The following LRFN2 variants were observed in gnomAD, a reference collection of about 807,000 sequenced individuals.
The protein encoded by LRFN2 is leucine-rich repeat and fibronectin type-III domain-containing protein 2.
A neutral mutation model predicts 37.3 loss-of-function variants in LRFN2; 18 were observed. That is an observed-to-expected ratio of 0.48 (90% CI 0.33 to 0.72). The LOEUF is 0.72. Among genes scored for constraint, LRFN2 ranks in the 30% least tolerant of loss-of-function variants. The probability of loss-of-function intolerance (pLI) is 0.02; values close to 1 mark genes in which losing one functional copy is unlikely to be tolerated. For missense variants in LRFN2, 1,006 were observed against 1,060.7 expected, an observed-to-expected ratio of 0.95 and a Z score of 0.72; for synonymous variants, 556 against 466.6, an observed-to-expected ratio of 1.19 and a Z score of -2.47.
intron 2 of LRFN2, among the ~76,000 whole-genome samples, chr6:40,401,807 C>A (rs192122797): frequency 1.3e-5 from 2 of 152,156 alleles, no homozygotes; most frequent in African/African-American, 2.4e-5. Flanking sequence ...CCCTCTGCCC[C>A]ACTAGCACCA....
chr6:40,415,264 C>G (rs1465268651), intron 2 of LRFN2, among the ~76,000 whole-genome samples: 1 of 151,872 alleles, frequency 6.6e-6, no homozygotes, highest in African/African-American at 2.4e-5. Flanking sequence ...CTTGCTTTGT[C>G]GCCTAGGCTG....
At chr6:40,395,505 C>G (rs1762597696) in intron 2 of LRFN2, among the ~76,000 whole-genome samples, 1 of 152,162 alleles carries the variant, frequency 6.6e-6, no homozygotes, top group Non-Finnish European at 1.5e-5. Context: ...GCCTGAGGAG[C>G]CCTGTGTGGC....
At chr6:40,456,335 A>T (rs933773196) in intron 1 of LRFN2, among the ~76,000 whole-genome samples, 8 of 152,264 alleles carry the variant, frequency 5.3e-5, no homozygotes, top group Non-Finnish European at 1.2e-4. Flanking sequence ...AAGGAGGCAG[A>T]TAACTGCTTA....
At chr6:40,511,486 T>C (rs56849922) in intron 1 of LRFN2, among the ~76,000 whole-genome samples, 4 of 152,144 alleles carry the variant, frequency 2.6e-5, no homozygotes, top group Non-Finnish European at 5.9e-5. Context: ...GGAGGGTAAG[T>C]AACTCTCTCT....
chr6:40,506,303 G>C (rs1367094018), intron 1 of LRFN2, among the ~76,000 whole-genome samples: 1 of 152,138 alleles, frequency 6.6e-6, no homozygotes, highest in Non-Finnish European at 1.5e-5. Flanking sequence ...GTGGATTTCT[G>C]CTCTCTTTTC....
chr6:40,565,465 C>T (rs1336490894), intron 1 of LRFN2, among the ~76,000 whole-genome samples: 1 of 152,116 alleles, frequency 6.6e-6, no homozygotes, highest in Non-Finnish European at 1.5e-5. Context: ...GGAGGCATCA[C>T]ACTACCTGAC....
At chr6:40,413,435 G>C (rs1197785518) in intron 2 of LRFN2, among the ~76,000 whole-genome samples, 1 of 152,144 alleles carries the variant, frequency 6.6e-6, no homozygotes. Flanking sequence ...CAGTAGCTCT[G>C]GGGGGATGAT....
rs546429111 is a variant in LRFN2 at position 40,550,313 on chromosome 6, A to C, written c.-19+36628T>G. Among the ~76,000 whole-genome samples the C allele has an allele frequency of 1.6e-4, 24 of 152,322 alleles. 1 individual carries two copies. In the South Asian group the frequency reaches 3.7e-3, roughly 24 times the overall value. On this transcript the variant is annotated intron_variant, in intron 1 of 2. Transcript: ENST00000338305. The stretch of plus-strand genomic sequence containing the variant: ...CTGACTCAGCAGTATCTCTTGCTGC[A>C]GTTATTGGCACATGATATTGACTGG...
Position 40,533,374 on chromosome 6 carries a change from AACACACACACAC to A in LRFN2, c.-19+53555_-19+53566del, listed in dbSNP as rs58462773. On this transcript the variant is annotated intron_variant, in intron 1 of 2. Coordinates refer to ENST00000338305, the MANE Select transcript of LRFN2 (RefSeq NM_020737.3). ...TCTACTTTACTCCTCTCTTGCTCAA[AACACACACACAC>A]ACACACACACACACACACACACACA... Among the ~76,000 whole-genome samples the A allele has an allele frequency of 8.8e-4, 126 of 143,064 alleles. No homozygotes were observed. In the East Asian group the frequency reaches 0.013, roughly 15 times the overall value. The allele number at this position is 143,064 out of a possible 152,430, so 93.9% of individuals were successfully genotyped here.
chr6:40,575,652 T>C (rs1252819569), intron 1 of LRFN2, among the ~76,000 whole-genome samples: 1 of 151,932 alleles, frequency 6.6e-6, no homozygotes, highest in East Asian at 1.9e-4. Context: ...GAAACAGAAG[T>C]CATGTGAGGA....
intron 1 of LRFN2, among the ~76,000 whole-genome samples, chr6:40,457,692 T>C (rs1764264665): frequency 7.0e-6 from 1 of 143,644 alleles, no homozygotes; most frequent in African/African-American, 2.6e-5. Context: ...TAAAATTCTG[T>C]AAAAACCTGA....
chr6:40,432,519 G>T lies in LRFN2; in HGVS notation c.595C>A (p.Leu199Met). The change falls in exon 2 of 3, where the codon CTG becomes ATG. Residue 199 changes from leucine to methionine, a missense_variant. This residue lies in a region of LRFN2 where 185 missense variants were observed against 254.9 expected (regional missense o/e 0.73). Coordinates refer to ENST00000338305, the MANE Select transcript of LRFN2 (RefSeq NM_020737.3). ...AEGTFADLQKLARLDLTSNRL... is the reference protein window; with the variant it reads ...AEGTFADLQKMARLDLTSNRL... The stretch of plus-strand genomic sequence containing the variant: ...TTGGAGGTGAGATCCAGGCGGGCCA[G>T]TTTCTGCAGGTCTGCAAAGGTGCCC... 6.2e-7 allele frequency: 1 copy of T among 1,614,258 alleles called. No individual in the cohort carries two copies. Among genetic ancestry groups the T allele is most frequent in the East Asian group, 2.2e-5 (1 of 44,880 alleles).
intron 1 of LRFN2, among the ~76,000 whole-genome samples, chr6:40,467,928 T>C (rs1008892399): frequency 1.2e-4 from 18 of 152,240 alleles, no homozygotes; most frequent in Non-Finnish European, 8.8e-5. Flanking sequence ...GTCCTTGTCA[T>C]AGGCAGTCTC....
intron 1 of LRFN2, among the ~76,000 whole-genome samples, chr6:40,437,637 C>T (rs1262838990): frequency 1.3e-5 from 2 of 152,142 alleles, no homozygotes; most frequent in Non-Finnish European, 2.9e-5. Context: ...AAATTGTATT[C>T]TGAGAACTGT....
At chr6:40,556,933 TC>T (rs1766902638) in intron 1 of LRFN2, among the ~76,000 whole-genome samples, 1 of 152,156 alleles carries the variant, frequency 6.6e-6, no homozygotes, top group Admixed American at 6.5e-5. Context: ...TTTTGTCTAA[TC>T]CACATCACTT....
At chr6:40,396,716 G>GTGTGTGTGTA (rs1338614212) in intron 2 of LRFN2, among the ~76,000 whole-genome samples, 7 of 150,780 alleles carry the variant, frequency 4.6e-5, no homozygotes, top group Non-Finnish European at 1.0e-4. Flanking sequence ...GTGTGTGTGT[G>GTGTGTGTGTA]TGTGTGTGTG....
chr6:40,402,501 T>C (rs565502012), intron 2 of LRFN2, among the ~76,000 whole-genome samples: 1 of 152,390 alleles, frequency 6.6e-6, no homozygotes, highest in East Asian at 1.9e-4. Flanking sequence ...CTAACATTTA[T>C]TGAGCACTTA....
chr6:40,524,568 C>T (rs1267971332), intron 1 of LRFN2, among the ~76,000 whole-genome samples: 3 of 152,190 alleles, frequency 2.0e-5, no homozygotes, highest in African/African-American at 7.2e-5. Flanking sequence ...GCCTGGCTCA[C>T]GCAGGCAGGG....
intron 2 of LRFN2, among the ~76,000 whole-genome samples, chr6:40,410,184 C>T (rs1454170264): frequency 2.6e-5 from 4 of 152,148 alleles, no homozygotes; most frequent in African/African-American, 7.2e-5. Flanking sequence ...CGTCCCCACC[C>T]ACCAGCCATC....
Sources: allele counts gnomAD v4.1 joint callset (sites outside exome capture counted in the v4.1 genomes callset), GRCh38; gene constraint gnomAD v4.1.1; regional missense constraint gnomAD v4.1.1; transcripts MANE v1.5; gene names NCBI Gene and HGNC (gene_info 2026-07-23, HGNC 2026-07-21).